The following ADSL variants were observed in gnomAD, a reference collection of about 807,000 sequenced individuals.
ADSL encodes adenylosuccinase.
In ADSL, 44 loss-of-function variants were observed where a neutral mutation model predicts 62.1. The ratio of observed to expected loss-of-function variants is 0.71; its 90% CI spans 0.56 to 0.91. The LOEUF is 0.91. ADSL is among the 40% of genes least tolerant of loss of function. The pLI is 0.00. For synonymous variants in ADSL, 198 were observed against 220.5 expected (o/e 0.90, Z 0.90); for missense variants, 531 against 627.4 (o/e 0.85, Z 1.64).
At chr22:40,357,496 G>A (rs1309700166) in intron 4 of ADSL, among the ~76,000 whole-genome samples, 1 of 151,602 alleles carries the variant, frequency 6.6e-6, no homozygotes, top group African/African-American at 2.4e-5. Flanking sequence ...CAGGTGATCC[G>A]CCCTCCTTGG....
chr22:40,365,082 T>C (rs201433372), intron 12 of ADSL, 26 bp downstream of exon 12: 45 of 1,601,728 alleles, frequency 2.8e-5, no homozygotes, highest in Non-Finnish European at 6.8e-6. Context: ...GCCTCTTTTC[T>C]GCTGGGCTGC....
At chr22:40,352,260 G>C (rs2044375017) in intron 2 of ADSL, among the ~76,000 whole-genome samples, 1 of 151,990 alleles carries the variant, frequency 6.6e-6, no homozygotes, top group Non-Finnish European at 1.5e-5. Context: ...GGGCACGGTG[G>C]CTCACACCTG....
At chr22:40,383,671 T>C (rs1313018999) in intron 2 of ADSL, among the ~76,000 whole-genome samples, 1 of 152,066 alleles carries the variant, frequency 6.6e-6, no homozygotes, top group Non-Finnish European at 1.5e-5. Flanking sequence ...AGGGGCCCAG[T>C]TGGCTAAAGC....
chr22:40,380,265 G>T (rs1426073659), intron 2 of ADSL, among the ~76,000 whole-genome samples: 2 of 151,838 alleles, frequency 1.3e-5, no homozygotes, highest in African/African-American at 4.8e-5. Flanking sequence ...ACACTTATCT[G>T]CACCACCCAG....
intron 9 of ADSL, 40 bp from the exon 10 acceptor site, chr22:40,362,941 A>G: frequency 6.4e-7 from 1 of 1,555,654 alleles, no homozygotes; most frequent in African/African-American, 1.4e-5. Context: ...CACTGAAATT[A>G]TTTGTTTAAA....
intron 2 of ADSL, chr22:40,351,984 A>G (rs1220563716): frequency 6.6e-6 from 1 of 152,208 alleles, no homozygotes; most frequent in Non-Finnish European, 1.5e-5. Context: ...TAAATGAAAC[A>G]TAATTAAAGG....
chr22:40,349,279 G>C (rs1022371853), intron 1 of ADSL, among the ~76,000 whole-genome samples: 1 of 152,006 alleles, frequency 6.6e-6, no homozygotes, highest in African/African-American at 2.4e-5. Flanking sequence ...TGATTCCAGA[G>C]AGCAGAATGT....
At chr22:40,374,530 T>C (rs2046217152) in intron 2 of ADSL, among the ~76,000 whole-genome samples, 1 of 152,196 alleles carries the variant, frequency 6.6e-6, no homozygotes, top group African/African-American at 2.4e-5. Flanking sequence ...AGTAGGGGCT[T>C]TGTGTTGTTC....
chr22:40,348,600 A>C (rs537864828), intron 1 of ADSL: 169 of 398,636 alleles, frequency 4.2e-4, no homozygotes, highest in Non-Finnish European at 4.0e-4. Flanking sequence ...AGTGCGGTCT[A>C]GAACTTCTGG....
At position 40,350,113 on chromosome 22, in the gene ADSL, G is replaced by A; in HGVS notation, c.357+78G>A. 4.3e-6 allele frequency: 6 copies of A among 1,385,534 alleles called. No individual in the cohort carries two copies. The South Asian group carries it at 6.0e-5, about 14-fold the overall frequency. 85.8% of individuals were successfully genotyped at this position (1,385,534 alleles called of 1,614,324 possible). A position where few individuals can be genotyped will look rare whatever the true frequency, so the allele number is the denominator to read the frequency against. Reference sequence around the variant, plus strand: ...CAATTTTATTTGATGTTGTCCAGTTGAGGAAGTGACACTATAGATCTTTTT... The same window carrying A: ...CAATTTTATTTGATGTTGTCCAGTTAAGGAAGTGACACTATAGATCTTTTT... On this transcript the variant is annotated intron_variant, in intron 2 of 12. Transcript: ENST00000623063.
In ADSL at chr22:40,350,000, C is replaced by G; in HGVS notation, c.322C>G (p.Leu108Val). The change falls in exon 2 of 13, where the codon CTT (leucine) becomes GTT (valine). Residue 108 changes from leucine to valine, a missense_variant. By Grantham distance (32) the Leu-to-Val change is conservative. Coordinates refer to ENST00000623063, the MANE Select transcript of ADSL (RefSeq NM_000026.4). ...CCPKAAGIIH[L>V]GATSCYVGDN... is the part of the protein sequence containing the mutation. Reference sequence around the variant, plus strand: ...TCCAAAAGCTGCAGGCATTATTCACCTTGGTGCTACTTCTTGCTATGTTGG... The same window carrying G: ...TCCAAAAGCTGCAGGCATTATTCACGTTGGTGCTACTTCTTGCTATGTTGG... 1 of 1,614,030 alleles carries G rather than the reference C, an allele frequency of 6.2e-7. No homozygotes were observed. Among genetic ancestry groups the G allele is most frequent in the Non-Finnish European group, 8.5e-7 (1 of 1,179,924 alleles).
intron 2 of ADSL, among the ~76,000 whole-genome samples, chr22:40,383,344 G>A (rs982242027): frequency 1.3e-5 from 2 of 151,970 alleles, no homozygotes; most frequent in Non-Finnish European, 2.9e-5. Flanking sequence ...GCAGGTGCCT[G>A]TATTCCCAGC....
rs2044928440 is a variant in ADSL at position 40,364,592 on chromosome 22, G to T, written c.1191+227G>T. 6.2e-6 allele frequency: 4 copies of T among 642,686 alleles called. No homozygotes were observed. In the East Asian group the frequency reaches 1.1e-4, roughly 18 times the overall value. 39.8% of individuals were successfully genotyped at this position (642,686 alleles called of 1,614,324 possible). The stretch of plus-strand genomic sequence containing the variant: ...TAGGAAAAGTCCACTCCTAGTGAAG[G>T]AATGAGGTCTGACATTCTGTAGGAA... On this transcript the variant is annotated intron_variant, in intron 11 of 12. Transcript: ENST00000623063.
intron 11 of ADSL, 197 bp from the exon 12 acceptor site, chr22:40,364,683 C>G: frequency 1.5e-6 from 1 of 653,422 alleles, no homozygotes; most frequent in South Asian, 1.8e-5. Context: ...AGGTGGGCAT[C>G]CATTTCAGGC....
intron 2 of ADSL, among the ~76,000 whole-genome samples, chr22:40,374,725 CAT>C (rs978607247): frequency 1.8e-4 from 28 of 152,328 alleles, no homozygotes; most frequent in African/African-American, 6.5e-4. Flanking sequence ...CGACCAAAAA[CAT>C]AAAATTGCCA....
At chr22:40,362,008 A>T (rs1030470205) in intron 9 of ADSL, among the ~76,000 whole-genome samples, 2 of 152,202 alleles carry the variant, frequency 1.3e-5, no homozygotes, top group African/African-American at 4.8e-5. Context: ...TGGGGAATGA[A>T]GTCAACATGT....
At chr22:40,374,478 TTTC>T (rs1689151646) in intron 2 of ADSL, among the ~76,000 whole-genome samples, 1 of 152,344 alleles carries the variant, frequency 6.6e-6, no homozygotes, top group Middle Eastern at 3.4e-3. Context: ...TGAGCTACAA[TTTC>T]TTCTTTGTAA....
chr22:40,358,070 G>T (rs1025624742), intron 4 of ADSL, among the ~76,000 whole-genome samples: 1 of 152,088 alleles, frequency 6.6e-6, no homozygotes, highest in Non-Finnish European at 1.5e-5. Context: ...GAGCCACCGC[G>T]CCTGGCCTAA....
chr22:40,378,389 A>G (rs2047002376), intron 2 of ADSL: 1 of 152,204 alleles, frequency 6.6e-6, no homozygotes, highest in African/African-American at 2.4e-5. Context: ...GAATAGTGCC[A>G]CTGCATTCCA....
Sources: allele counts gnomAD v4.1 joint callset (sites outside exome capture counted in the v4.1 genomes callset), GRCh38; gene constraint gnomAD v4.1.1; transcripts MANE v1.5; gene names NCBI Gene and HGNC (gene_info 2026-07-23, HGNC 2026-07-21).